The following MYBL1 variants were observed in gnomAD, a reference collection of about 807,000 sequenced individuals.
MYBL1 encodes MYB proto-oncogene like 1, also known as myb-related protein A.
In MYBL1, 17 loss-of-function variants were observed where a neutral mutation model predicts 96.3. The ratio of observed to expected loss-of-function variants is 0.18; its 90% CI spans 0.12 to 0.26. The LOEUF is 0.26. Among genes scored for constraint, MYBL1 ranks in the 10% least tolerant of loss-of-function variants. The pLI is 1.00. For missense variants in MYBL1, 701 were observed against 882.9 expected, an observed-to-expected ratio of 0.79 and a Z score of 2.61; for synonymous variants, 282 against 292.7, an observed-to-expected ratio of 0.96 and a Z score of 0.37.
chr8:66,596,945 T>C (rs1809875223), intron 5 of MYBL1, among the ~76,000 whole-genome samples: 1 of 152,154 alleles, frequency 6.6e-6, no homozygotes, highest in South Asian at 2.1e-4. Context: ...TAGCATATCA[T>C]TCCCTGGTCT....
chr8:66,602,605 T>C (rs1810121382), intron 1 of MYBL1, 82 bp from the exon 2 acceptor site: 8 of 827,940 alleles, frequency 9.7e-6, no homozygotes, highest in South Asian at 9.0e-5. Context: ...TGTGCAGGTA[T>C]GACTGAAGAA....
At chr8:66,602,715 ATATATATATATATATATATTTTT>A (rs1810131947) in intron 1 of MYBL1, among the ~76,000 whole-genome samples, 192 bp from the exon 2 acceptor site, 2 of 35,660 alleles carry the variant, frequency 5.6e-5, no homozygotes, top group Admixed American at 2.5e-4. Context: ...ATATATATAT[ATATATATATATATATATATTTTT>A]TTTTTTTTTT....
Position 66,566,733 on chromosome 8 carries a change from T to G in MYBL1, c.1901A>C (p.Lys634Thr). The G allele has an allele frequency of 6.2e-7, 1 of 1,610,546 alleles. No individual in the cohort carries two copies. The highest frequency in any genetic ancestry group is 1.1e-5 in the South Asian group (1 of 90,706). The change falls in exon 14 of 16, where the codon AAA becomes ACA. Residue 634 changes from lysine to threonine, a missense_variant. Lys to Thr is a moderately conservative substitution (Grantham distance 78). This residue lies in a region of MYBL1 where 137 missense variants were observed against 137.5 expected (regional missense o/e 1.00). Transcript: ENST00000522677. ...RKSLVLDNWE[K>T]EESGTQLLTE... is the part of the protein sequence containing the mutation. Reference sequence around the variant, plus strand: ...CAACAGTTGAGTGCCTGATTCTTCTTTTTCCCAATTATCTAAGACTAGTGA... The same window carrying G: ...CAACAGTTGAGTGCCTGATTCTTCTGTTTCCCAATTATCTAAGACTAGTGA...
chr8:66,599,791 ACT>A (rs1375853403), intron 3 of MYBL1, among the ~76,000 whole-genome samples: 1 of 151,048 alleles, frequency 6.6e-6, no homozygotes, highest in Non-Finnish European at 1.5e-5. Context: ...CAAGAGCGAA[ACT>A]CTCATCTCAA....
intron 12 of MYBL1, among the ~76,000 whole-genome samples, chr8:66,567,666 A>C (rs1339896988): frequency 6.6e-6 from 1 of 152,190 alleles, no homozygotes; most frequent in African/African-American, 2.4e-5. Flanking sequence ...CACAACTTAT[A>C]ACCCAGAAAA....
chr8:66,602,733 A>ATTTTTT (rs143426704), intron 1 of MYBL1, among the ~76,000 whole-genome samples: 4 of 28,158 alleles, frequency 1.4e-4, no homozygotes, highest in African/African-American at 1.8e-4. Flanking sequence ...ATATATATAT[A>ATTTTTT]TTTTTTTTTT....
rs1340012509 is a variant in MYBL1, at chr8:66,564,463, T to C, written c.*234A>G. 7.0e-6 allele frequency: 2 copies of C among 286,628 alleles called. No individual in the cohort carries two copies. The highest frequency in any genetic ancestry group is 1.3e-5 in the Non-Finnish European group (2 of 155,736). The allele number at this position is 286,628 out of a possible 1,614,324, so 17.8% of individuals were successfully genotyped here. A position where few individuals can be genotyped will look rare whatever the true frequency, so the allele number is the denominator to read the frequency against. ...AACATTCTATTATTTTCCCATCTTG[T>C]TCTTTAAAAACAATTTTTAAAAATC... On this transcript the variant is annotated 3_prime_UTR_variant, in exon 16 of 16. Coordinates refer to ENST00000522677, the MANE Select transcript of MYBL1 (RefSeq NM_001080416.4).
chr8:66,591,105 T>C (rs546920110), intron 8 of MYBL1, among the ~76,000 whole-genome samples: 6 of 152,264 alleles, frequency 3.9e-5, no homozygotes, highest in African/African-American at 1.4e-4. Context: ...TCCCAGCACT[T>C]TGGGAGGCTG....
chr8:66,596,704 G>A (rs187818466), intron 5 of MYBL1, among the ~76,000 whole-genome samples: 17 of 152,206 alleles, frequency 1.1e-4, no homozygotes, highest in Admixed American at 7.8e-4. Context: ...AGACAAATGC[G>A]TATCTTCTAA....
Position 66,573,344 on chromosome 8 carries a change from A to T in MYBL1, c.1613+20T>A. On this transcript the variant is annotated intron_variant, in intron 11 of 15. Coordinates refer to ENST00000522677, the MANE Select transcript of MYBL1 (RefSeq NM_001080416.4). ...TGTGCTCCCCATTTTCTCTAACACA[A>T]TTATTTAATACCTACTTACCCTACA... The T allele has an allele frequency of 6.3e-7, 1 of 1,585,694 alleles. No homozygotes were observed. Among genetic ancestry groups the T allele is most frequent in the Non-Finnish European group, 8.6e-7 (1 of 1,169,434 alleles).
intron 5 of MYBL1, 80 bp downstream of exon 5, chr8:66,597,250 G>T (rs375171725): frequency 2.0e-6 from 2 of 992,938 alleles, no homozygotes; most frequent in South Asian, 4.6e-5. Context: ...AGTCATCGGG[G>T]ACTTGCAAAT....
chr8:66,568,444 A>C lies in MYBL1; in HGVS notation c.1729-1452T>G, dbSNP rs771692572. Among the ~76,000 whole-genome samples the C allele has an allele frequency of 9.6e-4, 145 of 151,550 alleles. 1 individual carries two copies. The highest frequency in any genetic ancestry group is 1.5e-3 in the Non-Finnish European group (105 of 67,832). ...TGGGATCAACCGAGTAGCTAGCACA[A>C]CCTGCCACAACGCCTGGCTAATTTT... On this transcript the variant is annotated intron_variant, in intron 12 of 15. Transcript: ENST00000522677.
chr8:66,564,382 T>C lies in MYBL1; in HGVS notation c.*315A>G. 1 of 170,450 alleles carries C rather than the reference T, an allele frequency of 5.9e-6. No homozygotes were observed. Among genetic ancestry groups the C allele is most frequent in the Non-Finnish European group, 1.2e-5 (1 of 80,072 alleles). The allele number at this position is 170,450 out of a possible 1,614,324, so 10.6% of individuals were successfully genotyped here. The stretch of plus-strand genomic sequence containing the variant: ...TAACAAAACTGCAGCATCAAGAGAG[T>C]AGCAACATATATCTTGTGAAGAAAA... On this transcript the variant is annotated 3_prime_UTR_variant, in exon 16 of 16. Coordinates refer to ENST00000522677, the MANE Select transcript of MYBL1 (RefSeq NM_001080416.4).
intron 8 of MYBL1, among the ~76,000 whole-genome samples, chr8:66,591,768 A>G (rs1458346748): frequency 6.6e-6 from 1 of 152,128 alleles, no homozygotes; most frequent in Non-Finnish European, 1.5e-5. Flanking sequence ...AAAGAATTAA[A>G]CCCATCATTA....
chr8:66,601,897 T>C (rs1445524800), intron 2 of MYBL1, 128 bp from the exon 3 acceptor site: 3 of 452,488 alleles, frequency 6.6e-6, no homozygotes, highest in African/African-American at 2.0e-5. Context: ...CCACCCACTA[T>C]AATACAAATT....
At chr8:66,589,800 A>T (rs1014632051) in intron 8 of MYBL1, among the ~76,000 whole-genome samples, 4 of 152,212 alleles carry the variant, frequency 2.6e-5, no homozygotes, top group Non-Finnish European at 4.4e-5. Context: ...TAGCTTCTTA[A>T]CAAAACAAAT....
At chr8:66,607,504 C>T (rs1810367351) in intron 1 of MYBL1, among the ~76,000 whole-genome samples, 1 of 152,120 alleles carries the variant, frequency 6.6e-6, no homozygotes, top group Non-Finnish European at 1.5e-5. Flanking sequence ...GAACAATCTT[C>T]CCTAATCTTC....
At chr8:66,602,716 TATATATATATATATATA>T (rs1440949118) in intron 1 of MYBL1, among the ~76,000 whole-genome samples, 193 bp from the exon 2 acceptor site, 4 of 40,726 alleles carry the variant, frequency 9.8e-5, no homozygotes, top group African/African-American at 4.6e-4. Flanking sequence ...TATATATATA[TATATATATATATATATA>T]TTTTTTTTTT....
Position 66,576,318 on chromosome 8 carries a change from G to A in MYBL1, c.1159C>T (p.Pro387Ser). 1.9e-6 allele frequency: 3 copies of A among 1,613,850 alleles called. No homozygotes were observed. The highest frequency in any genetic ancestry group is 2.5e-6 in the Non-Finnish European group (3 of 1,179,848). The stretch of plus-strand genomic sequence containing the variant: ...AATTTAACTGGGGTGGATTTGATAG[G>A]AGAAGCAGCAGCATCAGAAATATCA... ...SFDISDAAASPIKSTPVKLMR... is the reference protein window; with the variant it reads ...SFDISDAAASSIKSTPVKLMR... The change falls in exon 10 of 16, where the codon CCT becomes TCT. Residue 387 changes from proline to serine, a missense_variant. Coordinates refer to ENST00000522677, the MANE Select transcript of MYBL1 (RefSeq NM_001080416.4).
Sources: gnomAD v4.1 joint callset for allele counts (sites outside exome capture counted in the v4.1 genomes callset) on GRCh38, gnomAD v4.1.1 for gene constraint, gnomAD v4.1.1 regional missense constraint, MANE v1.5 for transcripts, NCBI Gene and HGNC (gene_info 2026-07-23, HGNC 2026-07-21) for gene names.